PDE10A: variants seen among roughly 807,000 people sequenced by gnomAD.
PDE10A encodes phosphodiesterase 10A.
Under a neutral mutation model 97.7 loss-of-function variants are expected in PDE10A, and 39 were observed. That is an observed-to-expected ratio of 0.40 (90% CI 0.31 to 0.52). PDE10A has a LOEUF of 0.52. PDE10A is among the 20% of genes least tolerant of loss of function. PDE10A has a pLI of 0.56. For missense variants in PDE10A, 731 were observed against 1,047.8 expected (o/e 0.70, Z 4.17); for synonymous variants, 371 against 376.8 (o/e 0.98, Z 0.18).
At chr6:165,983,938 T>A (rs2128504575) in intron 1 of PDE10A, among the ~76,000 whole-genome samples, 1 of 152,376 alleles carries the variant, frequency 6.6e-6, no homozygotes, top group African/African-American at 2.4e-5. Context: ...TGTATTCATA[T>A]AGCCATATAC....
intron 1 of PDE10A, among the ~76,000 whole-genome samples, chr6:165,826,300 G>A (rs796677756): frequency 8.5e-5 from 2 of 23,418 alleles, no homozygotes; most frequent in African/African-American, 1.4e-4. Context: ...CCCCATGTCC[G>A]TCTTCATGTC....
rs565198447 is a variant in PDE10A, at chr6:165,461,239, C to CA, written c.1024-10878dup. On this transcript the variant is annotated intron_variant, in intron 3 of 21. Transcript: ENST00000539869. ...GGACTGCCTTCTCCTGCTACAATTC[C>CA]AAAAAATTGGCCTTTAATAATTAGT... Among the ~76,000 whole-genome samples the CA allele has an allele frequency of 1.5e-4, 23 of 152,264 alleles. No homozygotes were observed. The South Asian group carries it at 2.7e-3, about 18-fold the overall frequency.
chr6:165,932,062 A>G (rs1180109813), intron 1 of PDE10A, among the ~76,000 whole-genome samples: 1 of 152,114 alleles, frequency 6.6e-6, no homozygotes. Flanking sequence ...GAAACCATCA[A>G]GCTAGTGCCG....
chr6:165,698,887 A>G (rs1218225793), intron 1 of PDE10A, among the ~76,000 whole-genome samples: 3 of 152,186 alleles, frequency 2.0e-5, no homozygotes, highest in Non-Finnish European at 2.9e-5. Context: ...AATAAATAAA[A>G]TATTCACTCA....
chr6:165,753,692 G>C (rs2128456487), intron 1 of PDE10A, among the ~76,000 whole-genome samples: 1 of 151,912 alleles, frequency 6.6e-6, no homozygotes, highest in African/African-American at 2.4e-5. Context: ...TGGAAATTTT[G>C]GATAACATCC....
chr6:165,794,319 CTCA>C (rs1179543684), intron 1 of PDE10A, among the ~76,000 whole-genome samples: 3 of 151,642 alleles, frequency 2.0e-5, no homozygotes, highest in Admixed American at 1.3e-4. Flanking sequence ...CTCACACATA[CTCA>C]TCACACACTC....
intron 2 of PDE10A, among the ~76,000 whole-genome samples, chr6:165,517,793 C>T (rs1261159973): frequency 2.6e-5 from 4 of 152,032 alleles, no homozygotes; most frequent in Admixed American, 6.6e-5. Context: ...GTGGTGGTTA[C>T]GGGAATCTAC....
At chr6:165,413,370 G>T in intron 13 of PDE10A, 131 bp downstream of exon 13, 1 of 593,256 alleles carries the variant, frequency 1.7e-6, no homozygotes, top group Non-Finnish European at 2.9e-6. Flanking sequence ...TGTACAATCA[G>T]GAATCACTTA....
intron 1 of PDE10A, among the ~76,000 whole-genome samples, chr6:165,593,331 G>T (rs1369686144): frequency 6.6e-6 from 1 of 152,114 alleles, no homozygotes; most frequent in Non-Finnish European, 1.5e-5. Flanking sequence ...AGCATTAGGA[G>T]AAATACCTAA....
At chr6:165,617,300 G>T (rs562950764) in intron 1 of PDE10A, among the ~76,000 whole-genome samples, 5 of 152,136 alleles carry the variant, frequency 3.3e-5, no homozygotes, top group African/African-American at 4.8e-5. Context: ...ACCGCTTTAC[G>T]CATTGCATCT....
chr6:165,757,963 T>C (rs1015836581), intron 1 of PDE10A, among the ~76,000 whole-genome samples: 1 of 152,218 alleles, frequency 6.6e-6, no homozygotes, highest in African/African-American at 2.4e-5. Flanking sequence ...CCAAGCTTAT[T>C]TGAGGTCTCC....
At chr6:165,552,794 G>C (rs1335535430) in intron 1 of PDE10A, among the ~76,000 whole-genome samples, 1 of 152,248 alleles carries the variant, frequency 6.6e-6, no homozygotes, top group East Asian at 1.9e-4. Flanking sequence ...CCAAACTGAG[G>C]GGTAATTCTG....
At chr6:165,952,484 C>G (rs11752487) in intron 1 of PDE10A, among the ~76,000 whole-genome samples, 14,685 of 152,268 alleles carry the variant, frequency 0.096, 793 homozygotes, top group African/African-American at 0.14. Context: ...TACACACACA[C>G]ATTTGCAAAT....
intron 1 of PDE10A, among the ~76,000 whole-genome samples, chr6:165,888,720 A>G (rs1297119388): frequency 6.6e-6 from 1 of 152,248 alleles, no homozygotes; most frequent in African/African-American, 2.4e-5. Context: ...CCAAAAATGC[A>G]TGAGCCTAAG....
intron 1 of PDE10A, among the ~76,000 whole-genome samples, chr6:165,891,530 C>A (rs56300644): frequency 2.6e-5 from 4 of 152,196 alleles, no homozygotes; most frequent in Admixed American, 6.5e-5. Flanking sequence ...TGATGGGGCC[C>A]TTGTCCAGCC....
chr6:165,410,855 G>A (rs913849908), intron 13 of PDE10A, among the ~76,000 whole-genome samples: 1 of 148,170 alleles, frequency 6.7e-6, no homozygotes, highest in African/African-American at 2.5e-5. Flanking sequence ...TTGGGAGGCC[G>A]AGGCGGGCGG....
chr6:165,400,644 A>C (rs1786580533), intron 13 of PDE10A, among the ~76,000 whole-genome samples: 1 of 152,200 alleles, frequency 6.6e-6, no homozygotes, highest in South Asian at 2.1e-4. Context: ...TTTGGTAAAC[A>C]GTTTGGCAGT....
At chr6:165,840,564 A>T (rs1780231619) in intron 1 of PDE10A, among the ~76,000 whole-genome samples, 1 of 151,758 alleles carries the variant, frequency 6.6e-6, no homozygotes, top group Admixed American at 6.6e-5. Context: ...AAATTACACC[A>T]CCTCCCAAGC....
chr6:165,567,483 G>T (rs1054846687), intron 1 of PDE10A, among the ~76,000 whole-genome samples: 1 of 152,142 alleles, frequency 6.6e-6, no homozygotes, highest in African/African-American at 2.4e-5. Context: ...TTCAACTAAT[G>T]TTTATTGTCC....
Sources: gnomAD v4.1 joint callset for allele counts (sites outside exome capture counted in the v4.1 genomes callset) on GRCh38, gnomAD v4.1.1 for gene constraint, MANE v1.5 for transcripts, NCBI Gene and HGNC (gene_info 2026-07-23, HGNC 2026-07-21) for gene names.